TBC1D5: variants seen among roughly 807,000 people sequenced by gnomAD.
TBC1D5 encodes the protein TBC1 domain family member 5.
TBC1D5 carries 75 observed loss-of-function variants against 100.3 expected under a neutral mutation model. That is an observed-to-expected ratio of 0.75 (90% CI 0.62 to 0.91). The LOEUF is 0.91. TBC1D5 is among the 40% of genes least tolerant of loss of function. The probability of loss-of-function intolerance (pLI) is 0.00; values close to 1 mark genes in which losing one functional copy is unlikely to be tolerated. For missense variants in TBC1D5, 910 were observed against 942.4 expected (o/e 0.97, Z 0.45); for synonymous variants, 323 against 325.6 (o/e 0.99, Z 0.09).
At chr3:17,299,069 A>T (rs548338449) in intron 14 of TBC1D5, among the ~76,000 whole-genome samples, 33 of 152,386 alleles carry the variant, frequency 2.2e-4, no homozygotes, top group African/African-American at 7.7e-4. Context: ...AAAATAGAAC[A>T]ATCATAAAAA....
intron 2 of TBC1D5, among the ~76,000 whole-genome samples, chr3:17,538,526 T>C (rs2096309839): frequency 6.6e-6 from 1 of 152,166 alleles, no homozygotes; most frequent in African/African-American, 2.4e-5. Context: ...ACTGCTTCCT[T>C]TCACTCCTGC....
intron 3 of TBC1D5, among the ~76,000 whole-genome samples, chr3:17,442,083 C>T (rs879534574): frequency 6.6e-6 from 1 of 152,196 alleles, no homozygotes; most frequent in Non-Finnish European, 1.5e-5. Context: ...TCTGTTCTTT[C>T]TTCTCCTTTA....
intron 1 of TBC1D5, among the ~76,000 whole-genome samples, chr3:17,627,151 C>T (rs1228120239): frequency 6.6e-6 from 1 of 152,054 alleles, no homozygotes; most frequent in Non-Finnish European, 1.5e-5. Context: ...AATACATTGA[C>T]TAATGAGATA....
At chr3:17,706,867 T>A (rs2074237854) in intron 1 of TBC1D5, among the ~76,000 whole-genome samples, 1 of 151,856 alleles carries the variant, frequency 6.6e-6, no homozygotes, top group Non-Finnish European at 1.5e-5. Context: ...ACCTTTTTTT[T>A]TTAAAAAAAG....
At chr3:17,655,267 G>A (rs2065948214) in intron 1 of TBC1D5, among the ~76,000 whole-genome samples, 1 of 144,826 alleles carries the variant, frequency 6.9e-6, no homozygotes, top group African/African-American at 2.6e-5. Context: ...GAGAACACAT[G>A]GACACAGGAA....
chr3:17,540,686 A>C (rs1364837325), intron 2 of TBC1D5, among the ~76,000 whole-genome samples: 3 of 152,010 alleles, frequency 2.0e-5, no homozygotes, highest in Non-Finnish European at 4.4e-5. Context: ...AGGCGGGCAG[A>C]TCACGAGGTC....
At chr3:17,228,347 A>G (rs1489903599) in intron 17 of TBC1D5, among the ~76,000 whole-genome samples, 1 of 152,184 alleles carries the variant, frequency 6.6e-6, no homozygotes, top group Non-Finnish European at 1.5e-5. Context: ...ATGATAATGT[A>G]AAGGGTTTAG....
At chr3:17,420,902 GCTGA>G (rs1245463464) in intron 4 of TBC1D5, among the ~76,000 whole-genome samples, 3 of 152,086 alleles carry the variant, frequency 2.0e-5, no homozygotes, top group African/African-American at 7.2e-5. Context: ...CAGGCTTTCA[GCTGA>G]CTATGTAAAT....
chr3:17,172,820 A>G (rs1490610529), intron 19 of TBC1D5, among the ~76,000 whole-genome samples: 1 of 152,218 alleles, frequency 6.6e-6, no homozygotes, highest in African/African-American at 2.4e-5. Flanking sequence ...TTTCAATTAA[A>G]TGTTTTAAAT....
chr3:17,657,013 C>CT (rs1158656966), intron 1 of TBC1D5, among the ~76,000 whole-genome samples: 2 of 151,918 alleles, frequency 1.3e-5, no homozygotes, highest in East Asian at 3.9e-4. Context: ...GCCACACTGA[C>CT]TAAAAACTGG....
At chr3:17,643,373 A>G (rs555255639) in intron 1 of TBC1D5, among the ~76,000 whole-genome samples, 4 of 152,034 alleles carry the variant, frequency 2.6e-5, no homozygotes, top group Admixed American at 2.6e-4. Context: ...TGTCTCCTCC[A>G]TAAAGTTACT....
intron 1 of TBC1D5, among the ~76,000 whole-genome samples, chr3:17,731,310 C>T (rs558748009): frequency 2.6e-5 from 4 of 151,798 alleles, no homozygotes; most frequent in South Asian, 2.1e-4. Context: ...AGACCATCCT[C>T]GCCAACATGG....
intron 1 of TBC1D5, among the ~76,000 whole-genome samples, chr3:17,729,927 G>C (rs1420816985): frequency 6.6e-6 from 1 of 151,936 alleles, no homozygotes; most frequent in Non-Finnish European, 1.5e-5. Flanking sequence ...TGAACAACAT[G>C]GTGAAACCCT....
At chr3:17,306,598 G>A (rs554113597) in intron 14 of TBC1D5, among the ~76,000 whole-genome samples, 46 of 152,238 alleles carry the variant, frequency 3.0e-4, no homozygotes, top group African/African-American at 1.1e-3. Flanking sequence ...TAGAATAGGA[G>A]ACAGGATGAT....
chr3:17,237,810 A>G (rs2075978447), intron 17 of TBC1D5, among the ~76,000 whole-genome samples: 1 of 152,180 alleles, frequency 6.6e-6, no homozygotes, highest in Non-Finnish European at 1.5e-5. Flanking sequence ...TGGTACCGGA[A>G]CTTCTCATTT....
chr3:17,491,321 G>A (rs149879010), intron 3 of TBC1D5, among the ~76,000 whole-genome samples: 19 of 152,234 alleles, frequency 1.2e-4, no homozygotes, highest in African/African-American at 1.2e-4. Context: ...TTGCCTGAGT[G>A]CTCTGGCCAG....
At chr3:17,378,195 T>C (rs1401748200) in intron 9 of TBC1D5, among the ~76,000 whole-genome samples, 1 of 151,848 alleles carries the variant, frequency 6.6e-6, no homozygotes, top group Non-Finnish European at 1.5e-5. Context: ...AAAACTCCAA[T>C]AGATATCCTT....
chr3:17,345,505 A>G (rs1301442237), intron 13 of TBC1D5, among the ~76,000 whole-genome samples: 5 of 152,152 alleles, frequency 3.3e-5, no homozygotes, highest in Non-Finnish European at 7.4e-5. Context: ...TGTGGAAGTC[A>G]GTGTGGCGAT....
intron 4 of TBC1D5, among the ~76,000 whole-genome samples, chr3:17,421,504 T>C (rs943885851): frequency 1.3e-5 from 2 of 151,922 alleles, no homozygotes; most frequent in African/African-American, 4.8e-5. Flanking sequence ...ACTTTAGAAC[T>C]AGAAAAAAAA....
Sources: gnomAD v4.1 joint callset for allele counts (sites outside exome capture counted in the v4.1 genomes callset) on GRCh38, gnomAD v4.1.1 for gene constraint, MANE v1.5 for transcripts, NCBI Gene and HGNC (gene_info 2026-07-23, HGNC 2026-07-21) for gene names.